Variants in ZNF346 observed in about 807,000 individuals in gnomAD.
The protein encoded by ZNF346 is double-stranded RNA-binding zinc finger protein JAZ.
A neutral mutation model predicts 33.7 loss-of-function variants in ZNF346; 23 were observed. That is an observed-to-expected ratio of 0.68 (90% confidence interval 0.49 to 0.97). The LOEUF (loss-of-function observed/expected upper bound fraction) is 0.97, where lower values mean the gene tolerates loss of function less well. Ranked by LOEUF, ZNF346 falls within the 50% of genes least tolerant of loss-of-function variation. ZNF346 has a pLI of 0.00. For missense variants in ZNF346, 340 were observed against 371.1 expected, an observed-to-expected ratio of 0.92 and a Z score of 0.69; for synonymous variants, 134 against 142.4, an observed-to-expected ratio of 0.94 and a Z score of 0.42.
In ZNF346 at chr5:177,066,650, T is replaced by G. The variant is rs1458804351; in HGVS notation, c.*2051T>G. ...CAGGAGGCTAAGGCAGAAAGACCAT[T>G]CAAGCCCAGGAGTTCCAGCCTGAAG... On this transcript the variant is annotated 3_prime_UTR_variant, in exon 7 of 7. Coordinates refer to ENST00000358149, the MANE Select transcript of ZNF346 (RefSeq NM_012279.4). 6.6e-6 allele frequency among the ~76,000 whole-genome samples: 1 copy of G among 151,600 alleles called. No individual in the cohort carries two copies. The highest frequency in any genetic ancestry group is 1.5e-5 in the Non-Finnish European group (1 of 67,960).
At chr5:177,061,808 A>G (rs187780899) in intron 5 of ZNF346, among the ~76,000 whole-genome samples, 2 of 152,306 alleles carry the variant, frequency 1.3e-5, no homozygotes, top group African/African-American at 4.8e-5. Context: ...CTCAGCAGAC[A>G]GCTAGTCTGG....
chr5:177,069,632 G>A (rs746976905), downstream of ZNF346, among the ~76,000 whole-genome samples: 5 of 152,154 alleles, frequency 3.3e-5, no homozygotes, highest in Non-Finnish European at 7.4e-5. Context: ...CTGGGCTCAA[G>A]TGATCCTCCC....
At chr5:177,058,643 T>G (rs189428420) in intron 5 of ZNF346, among the ~76,000 whole-genome samples, 101 of 152,308 alleles carry the variant, frequency 6.6e-4, no homozygotes, top group African/African-American at 2.3e-3. Flanking sequence ...GGTTCAAGCT[T>G]ATACAGCTGA....
At chr5:177,044,055 T>C (rs1260695721) in intron 3 of ZNF346, among the ~76,000 whole-genome samples, 1 of 151,852 alleles carries the variant, frequency 6.6e-6, no homozygotes, top group East Asian at 1.9e-4. Flanking sequence ...GAATGATGTT[T>C]TTTTTTTTTT....
At chr5:177,041,960 C>A in intron 3 of ZNF346, 90 bp downstream of exon 3, 1 of 753,670 alleles carries the variant, frequency 1.3e-6, no homozygotes, top group Non-Finnish European at 2.3e-6. Flanking sequence ...GTCTTGGCTT[C>A]AAATCCTGGC....
intron 8 of ZNF346, among the ~76,000 whole-genome samples, chr5:177,075,373 C>T (rs1316050881): frequency 7.2e-5 from 11 of 152,268 alleles, no homozygotes; most frequent in East Asian, 1.9e-4. Context: ...CACTGTACCC[C>T]GGCCTGGGCG....
At position 177,029,926 on chromosome 5, in the gene ZNF346, G is replaced by A. The variant is rs543955476; in HGVS notation, c.175+7013G>A. On this transcript the variant is annotated intron_variant, in intron 1 of 6. Coordinates refer to ENST00000358149, the MANE Select transcript of ZNF346 (RefSeq NM_012279.4). ...TGTAGGAATAAGCCCTCAACCTGTA[G>A]GATCTGAAGCTGTCTCCAGGTAGAT... 3.2e-4 allele frequency among the ~76,000 whole-genome samples: 49 copies of A among 152,330 alleles called. 1 individual carries two copies. The highest frequency in any genetic ancestry group is 1.1e-3 in the African/African-American group (47 of 41,580).
At chr5:177,042,362 T>G (rs1779443539) in intron 3 of ZNF346, 2 of 152,608 alleles carry the variant, frequency 1.3e-5, no homozygotes, top group Admixed American at 1.3e-4. Context: ...AATATGAGCA[T>G]TATGCTGAAG....
At chr5:177,045,885 A>G (rs1779965861) in intron 4 of ZNF346, among the ~76,000 whole-genome samples, 1 of 152,192 alleles carries the variant, frequency 6.6e-6, no homozygotes, top group Admixed American at 6.5e-5. Flanking sequence ...TCCCAGGTTT[A>G]AAGCCTGGCA....
At chr5:177,039,105 G>A (rs1022583820) in intron 1 of ZNF346, among the ~76,000 whole-genome samples, 1 of 151,680 alleles carries the variant, frequency 6.6e-6, no homozygotes, top group Non-Finnish European at 1.5e-5. Context: ...TGGCCAGGCT[G>A]GTCTCAAACT....
At chr5:177,072,206 CA>C (rs1214065187), downstream of ZNF346, among the ~76,000 whole-genome samples, 1 of 152,228 alleles carries the variant, frequency 6.6e-6, no homozygotes, top group Non-Finnish European at 1.5e-5. Flanking sequence ...AGAGCTTACA[CA>C]ACCAAGAAGT....
chr5:177,053,460 C>G (rs955025049), intron 5 of ZNF346, among the ~76,000 whole-genome samples: 1 of 151,826 alleles, frequency 6.6e-6, no homozygotes, highest in Admixed American at 6.6e-5. Context: ...CTGCTGTTAT[C>G]AAGTATGCAT....
intron 3 of ZNF346, among the ~76,000 whole-genome samples, chr5:177,043,161 A>T (rs1385014620): frequency 6.6e-6 from 1 of 151,828 alleles, no homozygotes; most frequent in Non-Finnish European, 1.5e-5. Flanking sequence ...CGCCTGGCTG[A>T]TTTTTTAAAA....
chr5:177,023,459 G>A (rs768169124), intron 1 of ZNF346, among the ~76,000 whole-genome samples: 1 of 152,126 alleles, frequency 6.6e-6, no homozygotes, highest in Admixed American at 6.6e-5. Flanking sequence ...TTATTCTAAG[G>A]TGGGGACAAG....
intron 5 of ZNF346, among the ~76,000 whole-genome samples, chr5:177,056,137 C>CAG (rs1438704463): frequency 6.6e-6 from 1 of 150,714 alleles, no homozygotes; most frequent in African/African-American, 2.4e-5. Context: ...CCCAGCTACT[C>CAG]AGGAGGCTGA....
At chr5:177,079,670 A>G (rs1467345163) in exon 9 of ZNF346, 2 of 152,206 alleles carry the variant, frequency 1.3e-5, no homozygotes, top group South Asian at 2.1e-4. Context: ...TCACACCCCA[A>G]CGAAACCCTC....
intron 5 of ZNF346, among the ~76,000 whole-genome samples, chr5:177,054,925 C>G (rs146802905): frequency 1.3e-5 from 2 of 151,360 alleles, no homozygotes; most frequent in East Asian, 1.9e-4. Flanking sequence ...ATAGTAGGTT[C>G]TTTATGGTAA....
Position 177,033,235 on chromosome 5 carries a change from C to A in ZNF346, c.176-7891C>A, listed in dbSNP as rs1163517524. On this transcript the variant is annotated intron_variant, in intron 1 of 6. Transcript: ENST00000358149. ...AGCACTACAGGCGTGTGCCACCACA[C>A]CTGGATAATTTTTTAATTTTTTTTG... Among the ~76,000 whole-genome samples, 5 of 152,156 alleles carry A rather than the reference C, an allele frequency of 3.3e-5. No individual in the cohort carries two copies. In the East Asian group the frequency reaches 9.7e-4, roughly 29 times the overall value.
intron 1 of ZNF346, among the ~76,000 whole-genome samples, chr5:177,024,232 A>T (rs1581761765): frequency 1.0e-5 from 1 of 99,498 alleles, no homozygotes; most frequent in African/African-American, 4.2e-5. Context: ...AGAGAGTCTC[A>T]CTCTGTCACC....
Sources: allele counts gnomAD v4.1 joint callset (sites outside exome capture counted in the v4.1 genomes callset), GRCh38; gene constraint gnomAD v4.1.1; transcripts MANE v1.5; gene names NCBI Gene and HGNC (gene_info 2026-07-23, HGNC 2026-07-21).